KIF26B: variants seen among roughly 807,000 people sequenced by gnomAD.
KIF26B encodes kinesin-like protein KIF26B.
A neutral mutation model predicts 151.2 loss-of-function variants in KIF26B; 63 were observed. The ratio of observed to expected loss-of-function variants is 0.42; its 90% CI spans 0.34 to 0.51. KIF26B has a LOEUF of 0.51. Among genes scored for constraint, KIF26B ranks in the 20% least tolerant of loss-of-function variants. The pLI is 0.07. For synonymous variants in KIF26B, 1,357 were observed against 1,262.1 expected (o/e 1.08, Z -1.59); for missense variants, 2,813 against 2,913.6 (o/e 0.97, Z 0.79).
chr1:245,493,357 T>C (rs1394306702), intron 4 of KIF26B, among the ~76,000 whole-genome samples: 1 of 152,220 alleles, frequency 6.6e-6, no homozygotes, highest in African/African-American at 2.4e-5. Context: ...ATTTGATTAA[T>C]TGGGCTTGCT....
chr1:245,486,421 C>T (rs1174590536), intron 4 of KIF26B, among the ~76,000 whole-genome samples: 2 of 152,070 alleles, frequency 1.3e-5, no homozygotes, highest in Non-Finnish European at 2.9e-5. Flanking sequence ...GAGACCATCA[C>T]ATATAGTGCT....
At chr1:245,252,423 C>CTTCTTAGG (rs1446776652) in intron 2 of KIF26B, among the ~76,000 whole-genome samples, 3 of 151,502 alleles carry the variant, frequency 2.0e-5, no homozygotes, top group Non-Finnish European at 4.4e-5. Flanking sequence ...TGTTGGAATT[C>CTTCTTAGG]TTCTTAGGTA....
rs752554098 is a variant in KIF26B, at chr1:245,661,606, GAT to G, written c.2258+15336_2258+15337del. ...CCCCCAATATATATATACACCCAAT[GAT>G]ATATATATACACACACACCCAATAT... is the stretch of plus-strand genomic sequence containing the variant. On this transcript the variant is annotated intron_variant, in intron 10 of 14. Coordinates refer to ENST00000407071, the MANE Select transcript of KIF26B (RefSeq NM_018012.4). 6.5e-4 allele frequency among the ~76,000 whole-genome samples: 96 copies of G among 148,146 alleles called. 1 individual carries two copies. The highest frequency in any genetic ancestry group is 1.0e-3 in the Admixed American group (15 of 14,774).
intron 3 of KIF26B, among the ~76,000 whole-genome samples, chr1:245,405,309 T>C (rs1093941): frequency 0.71 from 108,185 of 152,148 alleles, 39,209 homozygotes; most frequent in African/African-American, 0.86. Flanking sequence ...AATATCTTCA[T>C]AAGATCAGCC....
chr1:245,184,050 G>GTTTTTTTTTT (rs758993117), intron 2 of KIF26B, among the ~76,000 whole-genome samples: 672 of 19,772 alleles, frequency 0.034, 199 homozygotes, highest in Non-Finnish European at 0.051. Flanking sequence ...GGGAGTTGTT[G>GTTTTTTTTTT]TTTTTTTTTT....
At chr1:245,521,304 TCC>T (rs1661101383) in intron 4 of KIF26B, among the ~76,000 whole-genome samples, 1 of 149,430 alleles carries the variant, frequency 6.7e-6, no homozygotes. Flanking sequence ...ACCACTGCAC[TCC>T]ATCCAGCCTG....
At chr1:245,592,968 A>T (rs1014268004) in intron 5 of KIF26B, among the ~76,000 whole-genome samples, 2 of 151,958 alleles carry the variant, frequency 1.3e-5, no homozygotes, top group Admixed American at 6.6e-5. Context: ...TGTCCCCTGG[A>T]TTTCCTGGCA....
At chr1:245,199,002 A>G (rs1669250018) in intron 2 of KIF26B, among the ~76,000 whole-genome samples, 1 of 151,960 alleles carries the variant, frequency 6.6e-6, no homozygotes, top group African/African-American at 2.4e-5. Context: ...CTGGAGTCCC[A>G]AGCAGGGGAC....
intron 9 of KIF26B, among the ~76,000 whole-genome samples, chr1:245,627,016 G>A (rs540442048): frequency 4.6e-5 from 7 of 152,206 alleles, no homozygotes; most frequent in Admixed American, 2.0e-4. Flanking sequence ...TGTTCTTGGT[G>A]CCTTTGTCAA....
chr1:245,577,043 C>A (rs1203501597), intron 5 of KIF26B, among the ~76,000 whole-genome samples: 1 of 152,166 alleles, frequency 6.6e-6, no homozygotes, highest in Admixed American at 6.5e-5. Context: ...TGATTCATAT[C>A]TAAATTTAAG....
In KIF26B at chr1:245,606,400, G is replaced by A. The variant is rs539057569; in HGVS notation, c.1558-1251G>A. ...AAGCCCCATGTTAGCACTGCCTCCCGGAGCTCCCACGAGCCCTGACTCCGG... is the reference window on the plus strand; with the variant it reads ...AAGCCCCATGTTAGCACTGCCTCCCAGAGCTCCCACGAGCCCTGACTCCGG... On this transcript the variant is annotated intron_variant, in intron 6 of 14. Transcript: ENST00000407071. The surrounding 1 kb of genome is among the most constrained non-coding windows in gnomAD (Gnocchi z 4.6). Among the ~76,000 whole-genome samples the A allele has an allele frequency of 6.6e-6, 1 of 151,656 alleles. No homozygotes were observed. The highest frequency in any genetic ancestry group is 2.4e-5 in the African/African-American group (1 of 41,582).
At chr1:245,431,345 AT>A (rs796518387) in intron 4 of KIF26B, among the ~76,000 whole-genome samples, 28,841 of 136,136 alleles carry the variant, frequency 0.21, 2,615 homozygotes, top group African/African-American at 0.23. Flanking sequence ...TGCCCAGCTA[AT>A]TTTTTTTTTT....
chr1:245,698,812 A>G lies in KIF26B; in HGVS notation c.6028-75A>G. ...AAGCCCAGCCTGTTTTCCATCAACG[A>G]TACTCACAGGTGCTCCTGTGGTGTG... On this transcript the variant is annotated intron_variant, in intron 13 of 14. Transcript: ENST00000407071. The surrounding 1 kb of genome is among the most constrained non-coding windows in gnomAD (Gnocchi z 4.0). 3 of 1,522,462 alleles carry G rather than the reference A, an allele frequency of 2.0e-6. No homozygotes were observed. Among genetic ancestry groups the G allele is most frequent in the Non-Finnish European group, 2.7e-6 (3 of 1,121,628 alleles). The allele number at this position is 1,522,462 out of a possible 1,614,324, so 94.3% of individuals were successfully genotyped here.
rs1048876093 is a variant in KIF26B, at chr1:245,369,490, C to T, written c.999+2123C>T. On this transcript the variant is annotated intron_variant, in intron 3 of 14. Coordinates refer to ENST00000407071, the MANE Select transcript of KIF26B (RefSeq NM_018012.4). Reference sequence around the variant, plus strand: ...TAAGATATTAGCATTCTTGGACGGTCGAAATTTTCACTTAACTGGGTGCTT... The same window carrying T: ...TAAGATATTAGCATTCTTGGACGGTTGAAATTTTCACTTAACTGGGTGCTT... Among the ~76,000 whole-genome samples, 6 of 152,206 alleles carry T rather than the reference C, an allele frequency of 3.9e-5. No homozygotes were observed. The South Asian group carries it at 6.2e-4, about 16-fold the overall frequency.
intron 4 of KIF26B, among the ~76,000 whole-genome samples, chr1:245,475,702 TC>T (rs1199431610): frequency 1.3e-5 from 2 of 151,864 alleles, no homozygotes; most frequent in Non-Finnish European, 2.9e-5. Flanking sequence ...AGATGCCACT[TC>T]AAACCGTCTG....
At chr1:245,584,764 T>C (rs1300584014) in intron 5 of KIF26B, among the ~76,000 whole-genome samples, 2 of 152,164 alleles carry the variant, frequency 1.3e-5, no homozygotes, top group Non-Finnish European at 2.9e-5. Flanking sequence ...TAAATATAGA[T>C]CCAGGAGTTG....
chr1:245,297,309 C>T (rs1174246641), intron 2 of KIF26B, among the ~76,000 whole-genome samples: 3 of 152,222 alleles, frequency 2.0e-5, no homozygotes, highest in African/African-American at 4.8e-5. Context: ...CGTCACTGCA[C>T]TCCAGCCTGA....
chr1:245,233,106 C>T (rs1422520012), intron 2 of KIF26B, among the ~76,000 whole-genome samples: 2 of 152,200 alleles, frequency 1.3e-5, no homozygotes, highest in Non-Finnish European at 2.9e-5. Context: ...CGCACTTTCT[C>T]AGCAAGCGTT....
chr1:245,481,515 A>G (rs1660167599), intron 4 of KIF26B, among the ~76,000 whole-genome samples: 1 of 151,956 alleles, frequency 6.6e-6, no homozygotes, highest in Non-Finnish European at 1.5e-5. Flanking sequence ...TGTATCCAGC[A>G]TCACTGAGTG....
Sources: allele counts gnomAD v4.1 joint callset (sites outside exome capture counted in the v4.1 genomes callset), GRCh38; gene constraint gnomAD v4.1.1; non-coding constraint Gnocchi (gnomAD v3.1); transcripts MANE v1.5; gene names NCBI Gene and HGNC (gene_info 2026-07-23, HGNC 2026-07-21).